EGFLAM: variants seen among roughly 807,000 people sequenced by gnomAD.
The protein encoded by EGFLAM is pikachurin.
Under a neutral mutation model 113.1 loss-of-function variants are expected in EGFLAM, and 79 were observed. The observed-to-expected ratio is 0.70, with a 90% confidence interval of 0.58 to 0.84. The LOEUF (loss-of-function observed/expected upper bound fraction) is 0.84, where lower values mean the gene tolerates loss of function less well. Ranked by LOEUF, EGFLAM falls within the 40% of genes least tolerant of loss-of-function variation. The pLI, the probability that EGFLAM is intolerant of heterozygous loss-of-function variation, is 0.00. For missense variants in EGFLAM, 1,265 were observed against 1,291.6 expected (o/e 0.98, Z 0.32); for synonymous variants, 504 against 487.6 (o/e 1.03, Z -0.44).
intron 8 of EGFLAM, 140 bp downstream of exon 8, chr5:38,407,286 T>A: frequency 2.1e-6 from 2 of 965,036 alleles, no homozygotes; most frequent in Non-Finnish European, 3.0e-6. Flanking sequence ...GTCATTAAAT[T>A]AACTATACAA....
rs142629937 is a variant in EGFLAM at position 38,264,675 on chromosome 5, T to C, written c.97+5824T>C. Among the ~76,000 whole-genome samples the C allele has an allele frequency of 3.8e-3, 575 of 152,258 alleles. 5 individuals carry two copies. Among genetic ancestry groups the C allele is most frequent in the African/African-American group, 0.013 (523 of 41,538 alleles). ...AAGCCCTCTTCCCAAAGCATGGCAA[T>C]TGGGGGAGATCTCTCATCTGTATGT... is the stretch of plus-strand genomic sequence containing the variant. On this transcript the variant is annotated intron_variant, in intron 1 of 21. Coordinates refer to ENST00000322350, the MANE Select transcript of EGFLAM (RefSeq NM_152403.4).
At chr5:38,367,652 T>C (rs1273090706) in intron 5 of EGFLAM, among the ~76,000 whole-genome samples, 2 of 152,178 alleles carry the variant, frequency 1.3e-5, no homozygotes, top group Admixed American at 1.3e-4. Flanking sequence ...ATAGCGTTGC[T>C]ATGGTGATCT....
At chr5:38,423,683 G>A (rs1374811705) in intron 12 of EGFLAM, among the ~76,000 whole-genome samples, 1 of 152,180 alleles carries the variant, frequency 6.6e-6, no homozygotes, top group African/African-American at 2.4e-5. Flanking sequence ...TCTTAGGGCT[G>A]TGGCTGGAGA....
chr5:38,317,798 A>C lies in EGFLAM; in HGVS notation c.98-19722A>C, dbSNP rs560757895. Among the ~76,000 whole-genome samples the C allele has an allele frequency of 3.3e-5, 5 of 152,276 alleles. No individual in the cohort carries two copies. The South Asian group carries it at 8.3e-4, about 25-fold the overall frequency. On this transcript the variant is annotated intron_variant, in intron 1 of 21. Transcript: ENST00000322350. ...AGGTGAAGACTTGGCAAAATGTTTC[A>C]AGCTTCGATCAGGAGAATTGCAGAG...
At chr5:38,271,127 C>T (rs997788567) in intron 1 of EGFLAM, among the ~76,000 whole-genome samples, 2 of 148,446 alleles carry the variant, frequency 1.3e-5, no homozygotes, top group African/African-American at 2.5e-5. Context: ...AACACCCAAC[C>T]TTTGTTTTGG....
chr5:38,280,246 C>T (rs1251535860), intron 1 of EGFLAM, among the ~76,000 whole-genome samples: 1 of 152,218 alleles, frequency 6.6e-6, no homozygotes, highest in Non-Finnish European at 1.5e-5. Flanking sequence ...GACTACAAAT[C>T]TTTACCCATA....
In EGFLAM at chr5:38,265,836, GC is replaced by G. The variant is rs146688427; in HGVS notation, c.97+6986del. ...TCTGAATTTTTAGAGTGCAATCCAG[GC>G]ACCTGCCTTTTTAAACAAGAACCTC... On this transcript the variant is annotated intron_variant, in intron 1 of 21. Coordinates refer to ENST00000322350, the MANE Select transcript of EGFLAM (RefSeq NM_152403.4). Among the ~76,000 whole-genome samples, 37 of 152,314 alleles carry G rather than the reference GC, an allele frequency of 2.4e-4. No individual in the cohort carries two copies. In the East Asian group the frequency reaches 6.8e-3, roughly 28 times the overall value.
Position 38,332,524 on chromosome 5 carries a change from C to T in EGFLAM, c.98-4996C>T, listed in dbSNP as rs553766445. Among the ~76,000 whole-genome samples the T allele has an allele frequency of 1.1e-3, 160 of 152,290 alleles. 4 individuals carry two copies. The highest frequency in any genetic ancestry group is 9.9e-3 in the Admixed American group (151 of 15,296). ...AGCAGCGCTAGATGAATTAAATACA[C>T]GCACACAGAAGTATAGCGTGTGGAG... On this transcript the variant is annotated intron_variant, in intron 1 of 21. Coordinates refer to ENST00000322350, the MANE Select transcript of EGFLAM (RefSeq NM_152403.4).
At position 38,427,091 on chromosome 5, in the gene EGFLAM, C is replaced by T. The variant is rs1320841763; in HGVS notation, c.1893C>T (p.Tyr631=). 1.2e-6 allele frequency: 2 copies of T among 1,614,020 alleles called. No individual in the cohort carries two copies. The highest frequency in any genetic ancestry group is 2.2e-5 in the East Asian group (1 of 44,892). ...ATPWPLEPQH[Y]LSFMEFEITF... is the part of the protein sequence containing the mutation. ...CCTGGCCACTGGAGCCCCAGCATTACCTTTCCTTCATGGAATTTGAGATCA... is the reference window on the plus strand; with the variant it reads ...CCTGGCCACTGGAGCCCCAGCATTATCTTTCCTTCATGGAATTTGAGATCA... Residue 631 remains tyrosine, a synonymous_variant, in exon 14 of 22, where the codon TAC becomes TAT. Coordinates refer to ENST00000322350, the MANE Select transcript of EGFLAM (RefSeq NM_152403.4).
chr5:38,458,764 T>C (rs954659512), intron 20 of EGFLAM, among the ~76,000 whole-genome samples: 3 of 152,106 alleles, frequency 2.0e-5, no homozygotes, highest in African/African-American at 4.8e-5. Flanking sequence ...GTGGATCACC[T>C]GAGCTCAGGA....
intron 11 of EGFLAM, 32 bp from the exon 12 acceptor site, chr5:38,418,034 A>G (rs1484781677): frequency 2.5e-6 from 4 of 1,579,634 alleles, no homozygotes; most frequent in African/African-American, 1.4e-5. Flanking sequence ...TTGTTTAGTG[A>G]GAGTATTCAT....
intron 20 of EGFLAM, among the ~76,000 whole-genome samples, chr5:38,459,138 T>C: frequency 6.6e-6 from 1 of 151,890 alleles, no homozygotes; most frequent in South Asian, 2.1e-4. Flanking sequence ...CCTCCCAGGC[T>C]CAGGCAGTCC....
intron 6 of EGFLAM, among the ~76,000 whole-genome samples, chr5:38,384,636 G>A (rs1740608259): frequency 6.6e-6 from 1 of 152,172 alleles, no homozygotes; most frequent in African/African-American, 2.4e-5. Flanking sequence ...CCTGCGGTTA[G>A]ACTGAAGGCA....
At chr5:38,383,460 G>A (rs1740570714) in intron 6 of EGFLAM, among the ~76,000 whole-genome samples, 1 of 149,574 alleles carries the variant, frequency 6.7e-6, no homozygotes, top group Admixed American at 6.7e-5. Flanking sequence ...TTTGGGTGAT[G>A]TTCAAGAAAG....
chr5:38,328,723 GTTTTTTTTTT>G (rs3077265), intron 1 of EGFLAM, among the ~76,000 whole-genome samples: 1 of 103,026 alleles, frequency 9.7e-6, no homozygotes, highest in Admixed American at 1.1e-4. Flanking sequence ...AGCTATACTT[GTTTTTTTTTT>G]TTTTTTTTTT....
At chr5:38,444,654 A>G (rs1420735893) in intron 17 of EGFLAM, among the ~76,000 whole-genome samples, 1 of 152,162 alleles carries the variant, frequency 6.6e-6, no homozygotes, top group African/African-American at 2.4e-5. Context: ...GTTAAAATAT[A>G]ATCATGTTGG....
intron 5 of EGFLAM, among the ~76,000 whole-genome samples, chr5:38,369,450 A>G (rs541855326): frequency 9.9e-5 from 15 of 152,258 alleles, no homozygotes; most frequent in African/African-American, 3.4e-4. Context: ...GCAGGCAGCT[A>G]TAAGTTACTA....
At chr5:38,456,419 C>T (rs993120927) in intron 19 of EGFLAM, among the ~76,000 whole-genome samples, 2 of 152,180 alleles carry the variant, frequency 1.3e-5, no homozygotes, top group Non-Finnish European at 2.9e-5. Flanking sequence ...ACCAGCAACT[C>T]GCCCTACTTC....
At chr5:38,368,045 G>T (rs1740109207) in intron 5 of EGFLAM, among the ~76,000 whole-genome samples, 1 of 152,184 alleles carries the variant, frequency 6.6e-6, no homozygotes, top group African/African-American at 2.4e-5. Flanking sequence ...ATTGTTGCAG[G>T]TCTTTGCAGG....
Sources: allele counts gnomAD v4.1 joint callset (sites outside exome capture counted in the v4.1 genomes callset), GRCh38; gene constraint gnomAD v4.1.1; transcripts MANE v1.5; gene names NCBI Gene and HGNC (gene_info 2026-07-23, HGNC 2026-07-21).